Variants in ACOT7 observed in about 807,000 individuals in gnomAD.
ACOT7 encodes the protein cytosolic acyl coenzyme A thioester hydrolase.
A neutral mutation model predicts 40.2 loss-of-function variants in ACOT7; 12 were observed. The ratio of observed to expected loss-of-function variants is 0.30; its 90% confidence interval spans 0.19 to 0.48. The LOEUF is 0.48. Among genes scored for constraint, ACOT7 ranks in the 20% least tolerant of loss-of-function variants. ACOT7 has a pLI of 0.99. For missense variants in ACOT7, 395 were observed against 530.8 expected, an observed-to-expected ratio of 0.74 and a Z score of 2.51; for synonymous variants, 228 against 219.5, an observed-to-expected ratio of 1.04 and a Z score of -0.34.
intron 1 of ACOT7, among the ~76,000 whole-genome samples, chr1:6,360,123 A>G (rs931727202): frequency 6.6e-6 from 1 of 152,246 alleles, no homozygotes; most frequent in South Asian, 2.1e-4. Flanking sequence ...CCTATGTGCA[A>G]AAAGAAAGAA....
intron 1 of ACOT7, among the ~76,000 whole-genome samples, chr1:6,363,902 T>C (rs1641946066): frequency 6.6e-6 from 1 of 152,192 alleles, no homozygotes; most frequent in Admixed American, 6.5e-5. Flanking sequence ...CCACCGACCC[T>C]GTGGGTTTTC....
chr1:6,393,675 G>A lies in ACOT7; in HGVS notation c.-276C>T, dbSNP rs1170889000. ...TAGCCGCGGCAGCCGCGCCCGACCC[G>A]GTGGCAGCCCCGAGGGAAGCGTCTG... is the stretch of plus-strand genomic sequence containing the variant. On this transcript the variant is annotated 5_prime_UTR_variant, in exon 1 of 9. Coordinates refer to ENST00000361521, the MANE Select transcript of ACOT7 (RefSeq NM_007274.4). The A allele has an allele frequency of 8.3e-6, 2 of 241,400 alleles. No individual in the cohort carries two copies. The highest frequency in any genetic ancestry group is 1.6e-5 in the Non-Finnish European group (2 of 126,928). 15.0% of individuals were successfully genotyped at this position (241,400 alleles called of 1,614,324 possible).
chr1:6,337,367 C>G (rs1056860287), intron 3 of ACOT7, among the ~76,000 whole-genome samples: 2 of 152,240 alleles, frequency 1.3e-5, no homozygotes, highest in African/African-American at 4.8e-5. Context: ...GGGATCCTCA[C>G]GAATATGTCA....
At chr1:6,273,728 T>TA (rs1354720659) in intron 8 of ACOT7, among the ~76,000 whole-genome samples, 6 of 152,270 alleles carry the variant, frequency 3.9e-5, no homozygotes, top group Admixed American at 2.6e-4. Flanking sequence ...GAAGCCAGTG[T>TA]AAGAGCCCGC....
At position 6,367,919 on chromosome 1, in the gene ACOT7, T is replaced by C. The variant is rs1354969190; in HGVS notation, c.144-18053A>G. Among the ~76,000 whole-genome samples the C allele has an allele frequency of 2.0e-5, 3 of 152,166 alleles. No individual in the cohort carries two copies. The East Asian group carries it at 5.8e-4, about 29-fold the overall frequency. On this transcript the variant is annotated intron_variant, in intron 1 of 8. Coordinates refer to ENST00000361521, the MANE Select transcript of ACOT7 (RefSeq NM_007274.4). ...TGAGCAAGACAAAGAGGAGCTTTAT[T>C]GAGTCACAGCCAGGTCATCCCAGTG...
intron 7 of ACOT7, among the ~76,000 whole-genome samples, chr1:6,281,798 C>G (rs1367625194): frequency 1.3e-5 from 2 of 152,214 alleles, no homozygotes; most frequent in African/African-American, 4.8e-5. Flanking sequence ...CCTTCCACAG[C>G]CATTCCCACC....
intron 1 of ACOT7, among the ~76,000 whole-genome samples, chr1:6,372,204 C>T (rs890423215): frequency 7.2e-5 from 11 of 152,296 alleles, no homozygotes; most frequent in Non-Finnish European, 1.5e-4. Flanking sequence ...CATGAACCAA[C>T]CTCTGTTAGC....
chr1:6,372,915 T>C (rs377208761), intron 1 of ACOT7, among the ~76,000 whole-genome samples: 13 of 152,016 alleles, frequency 8.6e-5, no homozygotes, highest in Non-Finnish European at 1.3e-4. Flanking sequence ...AGAGGTAGGG[T>C]ATTAATTGGT....
chr1:6,306,060 G>C lies in ACOT7; in HGVS notation c.713-11080C>G, dbSNP rs549833002. On this transcript the variant is annotated intron_variant, in intron 6 of 8. Coordinates refer to ENST00000361521, the MANE Select transcript of ACOT7 (RefSeq NM_007274.4). The surrounding 1 kb of genome is among the most constrained non-coding windows in gnomAD (Gnocchi z 4.3). The stretch of plus-strand genomic sequence containing the variant: ...GAAAACCAGTCAGGCGTGGCGGCGC[G>C]CGCCTGCAATCGCAGGCACTCGGCA... Among the ~76,000 whole-genome samples, 2 of 151,958 alleles carry C rather than the reference G, an allele frequency of 1.3e-5. No individual in the cohort carries two copies. The highest frequency in any genetic ancestry group is 2.9e-5 in the Non-Finnish European group (2 of 67,968).
At chr1:6,378,941 G>A (rs887766823) in intron 1 of ACOT7, among the ~76,000 whole-genome samples, 1 of 151,718 alleles carries the variant, frequency 6.6e-6, no homozygotes, top group Non-Finnish European at 1.5e-5. Flanking sequence ...TGTTGCCCAG[G>A]CTGGAGTGCA....
At chr1:6,340,420 T>G (rs934641691) in intron 2 of ACOT7, among the ~76,000 whole-genome samples, 5 of 152,152 alleles carry the variant, frequency 3.3e-5, no homozygotes, top group Non-Finnish European at 7.3e-5. Flanking sequence ...CATGCATTAT[T>G]TGCTTAATAT....
At chr1:6,343,178 C>T (rs1382773203) in intron 2 of ACOT7, among the ~76,000 whole-genome samples, 1 of 152,212 alleles carries the variant, frequency 6.6e-6, no homozygotes, top group Non-Finnish European at 1.5e-5. Flanking sequence ...CGTCCCAGAG[C>T]ACACAGAGTA....
intron 7 of ACOT7, among the ~76,000 whole-genome samples, chr1:6,286,500 CG>C (rs1253594527): frequency 3.3e-5 from 5 of 152,174 alleles, no homozygotes; most frequent in Non-Finnish European, 7.3e-5. Context: ...CGAAGCCATG[CG>C]GGAGGAGCCC....
intron 6 of ACOT7, among the ~76,000 whole-genome samples, chr1:6,313,903 T>G (rs1640411712): frequency 6.6e-6 from 1 of 152,184 alleles, no homozygotes; most frequent in Admixed American, 6.5e-5. Flanking sequence ...ATTGCCTTTC[T>G]TGGGGAGCCA....
chr1:6,389,967 A>T (rs1422236756), intron 1 of ACOT7, among the ~76,000 whole-genome samples: 2 of 152,156 alleles, frequency 1.3e-5, no homozygotes, highest in Non-Finnish European at 2.9e-5. Flanking sequence ...GGCAGTGTCC[A>T]GTAAAGCATT....
At chr1:6,336,232 G>T (rs535697779) in intron 3 of ACOT7, among the ~76,000 whole-genome samples, 1 of 151,080 alleles carries the variant, frequency 6.6e-6, no homozygotes, top group African/African-American at 2.4e-5. Context: ...TACTCGGGAG[G>T]CTGAGGCAGG....
At chr1:6,271,389 T>C (rs949579272) in intron 8 of ACOT7, among the ~76,000 whole-genome samples, 7 of 152,144 alleles carry the variant, frequency 4.6e-5, no homozygotes, top group Non-Finnish European at 8.8e-5. Context: ...TAGCATGCCC[T>C]CTCCCTGTTA....
At position 6,355,606 on chromosome 1, in the gene ACOT7, C is replaced by G. The variant is rs184895045; in HGVS notation, c.144-5740G>C. On this transcript the variant is annotated intron_variant, in intron 1 of 8. Transcript: ENST00000361521. The surrounding 1 kb of genome is among the most constrained non-coding windows in gnomAD (Gnocchi z 5.0). ...CCTCCATGGCCCCCAGAGGAAGAAA[C>G]TAGCTACTGGGCAGGGACCTCGGTG... Among the ~76,000 whole-genome samples, 1 of 152,206 alleles carries G rather than the reference C, an allele frequency of 6.6e-6. No individual in the cohort carries two copies. The highest frequency in any genetic ancestry group is 1.5e-5 in the Non-Finnish European group (1 of 68,038).
intron 1 of ACOT7, among the ~76,000 whole-genome samples, chr1:6,389,831 C>A (rs1642503662): frequency 6.6e-6 from 1 of 151,524 alleles, no homozygotes; most frequent in Non-Finnish European, 1.5e-5. Context: ...AATGTCTGAA[C>A]TGAGAACATG....
Sources: allele counts gnomAD v4.1 joint callset (sites outside exome capture counted in the v4.1 genomes callset), GRCh38; gene constraint gnomAD v4.1.1; non-coding constraint Gnocchi (gnomAD v3.1); transcripts MANE v1.5; gene names NCBI Gene and HGNC (gene_info 2026-07-23, HGNC 2026-07-21).